The following MTREX variants were observed in gnomAD, a reference collection of about 807,000 sequenced individuals.
MTREX encodes exosome RNA helicase MTR4.
In MTREX, 76 loss-of-function variants were observed where a neutral mutation model predicts 135.4. That is an observed-to-expected ratio of 0.56 (90% CI 0.47 to 0.68). MTREX has a LOEUF of 0.68. Ranked by LOEUF, MTREX falls within the 30% of genes least tolerant of loss-of-function variation. MTREX has a pLI of 0.00. For missense variants in MTREX, 920 were observed against 1,262.1 expected (o/e 0.73, Z 4.11); for synonymous variants, 404 against 401.6 (o/e 1.01, Z -0.07).
intron 21 of MTREX, among the ~76,000 whole-genome samples, chr5:55,403,783 T>C (rs968405807): frequency 6.6e-6 from 1 of 152,236 alleles, no homozygotes; most frequent in Non-Finnish European, 1.5e-5. Flanking sequence ...CATCTGTTCA[T>C]AGAAATATAA....
At chr5:55,415,815 C>T (rs1341883190) in intron 24 of MTREX, among the ~76,000 whole-genome samples, 155 bp from the exon 25 acceptor site, 1 of 152,160 alleles carries the variant, frequency 6.6e-6, no homozygotes, top group Non-Finnish European at 1.5e-5. Context: ...AGCAATGGAA[C>T]AGGCACTGTG....
At chr5:55,349,802 C>T in intron 12 of MTREX, 150 bp downstream of exon 12, 2 of 507,236 alleles carry the variant, frequency 3.9e-6, no homozygotes, top group South Asian at 6.4e-5. Context: ...TTGACTTTTA[C>T]TTTAAACTTC....
chr5:55,345,443 A>C (rs534743783), intron 10 of MTREX, among the ~76,000 whole-genome samples: 7 of 152,280 alleles, frequency 4.6e-5, no homozygotes, highest in Non-Finnish European at 8.8e-5. Flanking sequence ...AGCCATCACC[A>C]CTGTCTAGTT....
intron 21 of MTREX, among the ~76,000 whole-genome samples, chr5:55,402,792 G>A (rs1366129153): frequency 6.7e-6 from 1 of 148,822 alleles, no homozygotes; most frequent in Admixed American, 6.7e-5. Flanking sequence ...ATGTATATAA[G>A]CACATGATAT....
At chr5:55,339,790 G>A (rs1749614784) in intron 5 of MTREX, among the ~76,000 whole-genome samples, 1 of 152,118 alleles carries the variant, frequency 6.6e-6, no homozygotes, top group Non-Finnish European at 1.5e-5. Flanking sequence ...TAGTGACTAA[G>A]TTGCATTAAC....
intron 26 of MTREX, chr5:55,423,204 C>T (rs1751083384): frequency 5.7e-6 from 3 of 522,824 alleles, no homozygotes; most frequent in South Asian, 2.8e-5. Flanking sequence ...TAACTACATG[C>T]CAGGCATTGT....
At position 55,344,676 on chromosome 5, in the gene MTREX, CTTG is replaced by C. The variant is rs147468098; in HGVS notation, c.1005+68_1005+70del. Reference sequence around the variant, plus strand: ...TAATGTCATACTTTATTATTAATATCTTGTTGTTGTTGTTTTTAAATTTTGAAT... The same window carrying C: ...TAATGTCATACTTTATTATTAATATCTTGTTGTTGTTTTTAAATTTTGAAT... On this transcript the variant is annotated intron_variant, in intron 9 of 26. Transcript: ENST00000230640. The C allele has an allele frequency of 4.9e-4, 487 of 992,582 alleles. 3 individuals carry two copies. Among genetic ancestry groups the C allele is most frequent in the African/African-American group, 5.5e-4 (33 of 59,650 alleles). The allele number at this position is 992,582 out of a possible 1,614,324, so 61.5% of individuals were successfully genotyped here.
intron 16 of MTREX, among the ~76,000 whole-genome samples, chr5:55,371,873 ACT>A (rs1750208550): frequency 1.3e-5 from 2 of 151,982 alleles, no homozygotes; most frequent in Admixed American, 1.3e-4. Context: ...AGAGTCCTGG[ACT>A]CTAACTACAA....
chr5:55,411,160 TAAG>T (rs928238251), intron 23 of MTREX, among the ~76,000 whole-genome samples: 5 of 152,288 alleles, frequency 3.3e-5, no homozygotes, highest in East Asian at 3.9e-4. Context: ...CAACAGTTCT[TAAG>T]AAATCAAAAA....
rs139574301 is a variant in MTREX, at chr5:55,327,860, A to G, written c.402+82A>G. On this transcript the variant is annotated intron_variant, in intron 4 of 26. Transcript: ENST00000230640. ...AATTCTTATTTCAAATGAGATTTTT[A>G]TATTTCCCACAACATGTATATGTAT... The G allele has an allele frequency of 3.3e-5, 35 of 1,072,804 alleles. No individual in the cohort carries two copies. In the African/African-American group the frequency reaches 5.1e-4, roughly 16 times the overall value. The allele number at this position is 1,072,804 out of a possible 1,614,324, so 66.5% of individuals were successfully genotyped here.
intron 18 of MTREX, among the ~76,000 whole-genome samples, chr5:55,382,577 A>G (rs574541442): frequency 6.6e-6 from 1 of 151,818 alleles, no homozygotes; most frequent in African/African-American, 2.4e-5. Context: ...TGTACTTTTT[A>G]TTGCTTTTTG....
intron 1 of MTREX, among the ~76,000 whole-genome samples, chr5:55,315,828 C>T (rs1749189525): frequency 6.6e-6 from 1 of 150,446 alleles, no homozygotes; most frequent in South Asian, 2.1e-4. Flanking sequence ...GAGGCTGGGG[C>T]CACCCTGGAT....
intron 16 of MTREX, among the ~76,000 whole-genome samples, chr5:55,376,417 A>T (rs1750301786): frequency 6.6e-6 from 1 of 152,230 alleles, no homozygotes; most frequent in African/African-American, 2.4e-5. Context: ...CTTGTTGAGA[A>T]TTCCACATTT....
In MTREX at chr5:55,416,122, T is replaced by A. The variant is rs753847285; in HGVS notation, c.2961T>A (p.Asp987Glu). 29 of 1,585,858 alleles carry A rather than the reference T, an allele frequency of 1.8e-5. No individual in the cohort carries two copies. The highest frequency in any genetic ancestry group is 2.3e-5 in the Non-Finnish European group (27 of 1,170,470). Residue 987 changes from aspartate (D) to glutamate (E), a missense_variant, in exon 25 of 27, where the codon GAT becomes GAA. Asp to Glu is a conservative substitution (Grantham distance 45). This residue lies in a region of MTREX where 467 missense variants were observed against 589.7 expected (regional missense o/e 0.79). Transcript: ENST00000230640. Reference protein sequence around the residue: ...ATFAHICKMTDVFEGSIIRCM... With the variant: ...ATFAHICKMTEVFEGSIIRCM... ...TTGCCCATATCTGCAAAATGACAGA[T>A]GTCTTTGAAGGTATGGTTAAATTTT...
chr5:55,309,885 A>G (rs1749082374), intron 1 of MTREX, among the ~76,000 whole-genome samples: 1 of 152,198 alleles, frequency 6.6e-6, no homozygotes, highest in Non-Finnish European at 1.5e-5. Flanking sequence ...GTGCGAAATG[A>G]GTGGAACAAA....
Position 55,425,004 on chromosome 5 carries a change from T to A in MTREX, c.*232T>A. On this transcript the variant is annotated 3_prime_UTR_variant, in exon 27 of 27. Transcript: ENST00000230640. ...CACTGTTTTGGTGGAAGGCTTGGAG[T>A]TTTTTTAATGAGTTTAGAGCTATTA... 1 of 754,146 alleles carries A rather than the reference T, an allele frequency of 1.3e-6. No homozygotes were observed. Among genetic ancestry groups the A allele is most frequent in the African/African-American group, 1.8e-5 (1 of 57,020 alleles). The allele number at this position is 754,146 out of a possible 1,614,324, so 46.7% of individuals were successfully genotyped here.
At chr5:55,369,367 TAC>T (rs968315403) in intron 16 of MTREX, among the ~76,000 whole-genome samples, 3 of 152,214 alleles carry the variant, frequency 2.0e-5, no homozygotes, top group Non-Finnish European at 4.4e-5. Context: ...TAATTATACA[TAC>T]ACACACAGCT....
At chr5:55,409,101 G>A (rs1750849585) in intron 22 of MTREX, among the ~76,000 whole-genome samples, 1 of 152,020 alleles carries the variant, frequency 6.6e-6, no homozygotes. Flanking sequence ...ACAGGCGTGT[G>A]CCACCACGCT....
intron 16 of MTREX, among the ~76,000 whole-genome samples, chr5:55,377,510 A>G (rs764196806): frequency 4.6e-5 from 7 of 152,338 alleles, no homozygotes; most frequent in Non-Finnish European, 8.8e-5. Flanking sequence ...AAACCAGGCA[A>G]GATCAAATAA....
Sources: gnomAD v4.1 joint callset for allele counts (sites outside exome capture counted in the v4.1 genomes callset) on GRCh38, gnomAD v4.1.1 for gene constraint, gnomAD v4.1.1 regional missense constraint, MANE v1.5 for transcripts, NCBI Gene and HGNC (gene_info 2026-07-23, HGNC 2026-07-21) for gene names.